The following UBE2E2 variants were observed in gnomAD, a reference collection of about 807,000 sequenced individuals.
UBE2E2 encodes ubiquitin conjugating enzyme E2 E2.
UBE2E2 carries 6 observed loss-of-function variants against 24.7 expected under a neutral mutation model. That is an observed-to-expected ratio of 0.24 (90% CI 0.13 to 0.48). The LOEUF (loss-of-function observed/expected upper bound fraction) is 0.48, where lower values mean the gene tolerates loss of function less well. Ranked by LOEUF, UBE2E2 falls within the 20% of genes least tolerant of loss-of-function variation. UBE2E2 has a pLI of 0.99. For synonymous variants in UBE2E2, 104 were observed against 83.6 expected, an observed-to-expected ratio of 1.24 and a Z score of -1.33; for missense variants, 169 against 245.0, an observed-to-expected ratio of 0.69 and a Z score of 2.07.
intron 3 of UBE2E2, among the ~76,000 whole-genome samples, chr3:23,276,237 A>G (rs573831419): frequency 6.6e-6 from 1 of 152,262 alleles, no homozygotes; most frequent in Non-Finnish European, 1.5e-5. Flanking sequence ...CCAAGACACA[A>G]TCAGTAAACT....
intron 3 of UBE2E2, among the ~76,000 whole-genome samples, chr3:23,302,179 G>T (rs905189458): frequency 2.0e-5 from 3 of 152,060 alleles, no homozygotes; most frequent in African/African-American, 7.2e-5. Flanking sequence ...GCCATATCCA[G>T]TCTGTTTTCA....
intron 3 of UBE2E2, among the ~76,000 whole-genome samples, chr3:23,296,687 T>G (rs1277589754): frequency 6.6e-6 from 1 of 152,246 alleles, no homozygotes; most frequent in Non-Finnish European, 1.5e-5. Context: ...ATGTGCCACA[T>G]TTTCTTAATC....
chr3:23,290,889 TAAAA>T (rs71051209), intron 3 of UBE2E2, among the ~76,000 whole-genome samples: 1 of 86,762 alleles, frequency 1.2e-5, no homozygotes, highest in Admixed American at 1.2e-4. Context: ...ACTGTGTGTC[TAAAA>T]AAAAAAAAAA....
chr3:23,573,349 G>A (rs1575717302), intron 5 of UBE2E2, among the ~76,000 whole-genome samples: 1 of 152,126 alleles, frequency 6.6e-6, no homozygotes, highest in East Asian at 1.9e-4. Context: ...ATTAAAGAAA[G>A]ATGGACTGCT....
chr3:23,227,386 A>G (rs568980886), intron 3 of UBE2E2, among the ~76,000 whole-genome samples: 100 of 152,328 alleles, frequency 6.6e-4, no homozygotes, highest in African/African-American at 2.3e-3. Context: ...AGGGAGGCAT[A>G]TTATTGGTAA....
At chr3:23,424,790 A>G (rs1358105312) in intron 3 of UBE2E2, among the ~76,000 whole-genome samples, 1 of 152,164 alleles carries the variant, frequency 6.6e-6, no homozygotes, top group Non-Finnish European at 1.5e-5. Context: ...ATATAAATAA[A>G]GTAGTTTGAT....
chr3:23,456,802 A>G (rs1363331915), intron 3 of UBE2E2, among the ~76,000 whole-genome samples: 1 of 152,198 alleles, frequency 6.6e-6, no homozygotes, highest in Admixed American at 6.6e-5. Context: ...TTCAACTTAA[A>G]TGTCACCATC....
chr3:23,326,651 A>G (rs1333224199), intron 3 of UBE2E2, among the ~76,000 whole-genome samples: 1 of 152,180 alleles, frequency 6.6e-6, no homozygotes, highest in Non-Finnish European at 1.5e-5. Flanking sequence ...AAGTCTTTTA[A>G]TGGCACATAA....
intron 3 of UBE2E2, among the ~76,000 whole-genome samples, chr3:23,330,268 C>G (rs1477324087): frequency 2.0e-5 from 3 of 152,192 alleles, no homozygotes; most frequent in Non-Finnish European, 4.4e-5. Context: ...AAATGTAATA[C>G]TTTCAATTAC....
intron 3 of UBE2E2, among the ~76,000 whole-genome samples, chr3:23,418,568 CCT>C (rs1246713098): frequency 6.6e-6 from 1 of 152,132 alleles, no homozygotes; most frequent in African/African-American, 2.4e-5. Flanking sequence ...TTCTCGAACT[CCT>C]CACCTCCGGT....
chr3:23,242,140 C>G (rs1697275403), intron 3 of UBE2E2, among the ~76,000 whole-genome samples: 1 of 152,140 alleles, frequency 6.6e-6, no homozygotes, highest in East Asian at 1.9e-4. Context: ...GGTCTTGAAA[C>G]TCATGACCTC....
intron 2 of UBE2E2, among the ~76,000 whole-genome samples, chr3:23,212,592 G>A (rs986284788): frequency 1.6e-5 from 2 of 128,400 alleles, no homozygotes; most frequent in African/African-American, 3.2e-5. Context: ...GATACTGTTC[G>A]AGGTATGGTT....
At chr3:23,276,590 GTGTTCAAAGGATCA>G (rs1457007107) in intron 3 of UBE2E2, among the ~76,000 whole-genome samples, 1 of 151,612 alleles carries the variant, frequency 6.6e-6, no homozygotes, top group Non-Finnish European at 1.5e-5. Context: ...GCAGACTTGT[GTGTTCAAAGGATCA>G]TGCTATTTTT....
chr3:23,280,466 T>A lies in UBE2E2; in HGVS notation c.227+63154T>A, dbSNP rs538740842. 4.6e-5 allele frequency among the ~76,000 whole-genome samples: 7 copies of A among 152,316 alleles called. No individual in the cohort carries two copies. Among genetic ancestry groups the A allele is most frequent in the African/African-American group, 1.4e-4 (6 of 41,550 alleles). On this transcript the variant is annotated intron_variant, in intron 3 of 5. Transcript: ENST00000396703. The surrounding 1 kb of genome is among the most constrained non-coding windows in gnomAD (Gnocchi z 4.3). ...GAGGGATTGTGAATGGTGCTAGAGGTGGCCACACAATCTTTTTGGTCCTTC... is the reference window on the plus strand; with the variant it reads ...GAGGGATTGTGAATGGTGCTAGAGGAGGCCACACAATCTTTTTGGTCCTTC...
At chr3:23,391,702 T>G (rs575456902) in intron 3 of UBE2E2, among the ~76,000 whole-genome samples, 1 of 152,300 alleles carries the variant, frequency 6.6e-6, no homozygotes, top group Non-Finnish European at 1.5e-5. Context: ...TTCTGAAATT[T>G]GAAGAGCCAG....
At chr3:23,446,358 G>A (rs1416719596) in intron 3 of UBE2E2, among the ~76,000 whole-genome samples, 1 of 152,270 alleles carries the variant, frequency 6.6e-6, no homozygotes, top group African/African-American at 2.4e-5. Flanking sequence ...TGAAATGTCT[G>A]CTATGTGTAT....
chr3:23,248,155 T>C (rs986773630), intron 3 of UBE2E2, among the ~76,000 whole-genome samples: 2 of 152,236 alleles, frequency 1.3e-5, no homozygotes, highest in Non-Finnish European at 2.9e-5. Context: ...AAAAAAGCAA[T>C]TAGTGTCCTG....
At chr3:23,273,122 A>AGTT (rs1477670326) in intron 3 of UBE2E2, among the ~76,000 whole-genome samples, 4 of 152,250 alleles carry the variant, frequency 2.6e-5, no homozygotes, top group African/African-American at 9.6e-5. Context: ...GCCCCAGTCA[A>AGTT]GTTGACACAT....
chr3:23,309,727 G>A (rs745732783), intron 3 of UBE2E2, among the ~76,000 whole-genome samples: 1 of 152,174 alleles, frequency 6.6e-6, no homozygotes, highest in Non-Finnish European at 1.5e-5. Flanking sequence ...GCAGCGTTTA[G>A]TCATTTGAAG....
Sources: allele counts gnomAD v4.1 joint callset (sites outside exome capture counted in the v4.1 genomes callset), GRCh38; gene constraint gnomAD v4.1.1; non-coding constraint Gnocchi (gnomAD v3.1); transcripts MANE v1.5; gene names NCBI Gene and HGNC (gene_info 2026-07-23, HGNC 2026-07-21).